HECW1: variants seen among roughly 807,000 people sequenced by gnomAD.
HECW1 encodes the protein E3 ubiquitin-protein ligase HECW1.
A neutral mutation model predicts 182.3 loss-of-function variants in HECW1; 61 were observed. The ratio of observed to expected loss-of-function variants is 0.33; its 90% CI spans 0.27 to 0.41. The LOEUF (loss-of-function observed/expected upper bound fraction) is 0.41. HECW1 is among the 10% of genes least tolerant of loss of function. HECW1 has a pLI of 1.00. For synonymous variants in HECW1, 859 were observed against 832.6 expected, an observed-to-expected ratio of 1.03 and a Z score of -0.55; for missense variants, 1,739 against 2,108.9, an observed-to-expected ratio of 0.82 and a Z score of 3.44.
chr7:43,501,280 T>C lies in HECW1; in HGVS notation c.3589T>C (p.Ser1197Pro), dbSNP rs1353537957. Reference protein sequence around the residue: ...QAAFHPGYSFSPRCSPCSSPQ... With the variant: ...QAAFHPGYSFPPRCSPCSSPQ... ...TGCCTTCCACCCTGGGTATAGCTTC[T>C]CTCCCCGATGTTCACCCTGTTCTTC... Residue 1197 changes from serine (S) to proline (P), a missense_variant, in exon 21 of 30, where the codon TCT (serine) becomes CCT (proline). Physicochemically the swap from Ser to Pro is moderately conservative, Grantham distance 74 (BLOSUM62 -1). Transcript: ENST00000395891. The C allele has an allele frequency of 1.2e-6, 2 of 1,609,716 alleles. No individual in the cohort carries two copies. Among genetic ancestry groups the C allele is most frequent in the Non-Finnish European group, 1.7e-6 (2 of 1,177,568 alleles).
intron 3 of HECW1, among the ~76,000 whole-genome samples, chr7:43,287,817 A>T (rs1339792149): frequency 6.6e-6 from 1 of 152,178 alleles, no homozygotes; most frequent in Non-Finnish European, 1.5e-5. Flanking sequence ...CATTGTCTGG[A>T]TTTAGACAGC....
intron 19 of HECW1, among the ~76,000 whole-genome samples, chr7:43,498,870 C>T (rs75005191): frequency 0.017 from 2,545 of 152,148 alleles, 52 homozygotes; most frequent in African/African-American, 0.048. Flanking sequence ...GTCAAATTGA[C>T]TATATTTTTT....
intron 6 of HECW1, among the ~76,000 whole-genome samples, chr7:43,372,158 A>G (rs2074132891): frequency 6.6e-6 from 1 of 152,164 alleles, no homozygotes; most frequent in Non-Finnish European, 1.5e-5. Context: ...CAAGGCTCAG[A>G]GCAGTGCCTT....
chr7:43,205,617 G>A (rs1795398472), intron 2 of HECW1, among the ~76,000 whole-genome samples: 1 of 152,164 alleles, frequency 6.6e-6, no homozygotes, highest in African/African-American at 2.4e-5. Flanking sequence ...GGCTCATTGT[G>A]TCTGCAGTAA....
chr7:43,203,872 G>C (rs905304708), intron 2 of HECW1, among the ~76,000 whole-genome samples: 1 of 152,076 alleles, frequency 6.6e-6, no homozygotes, highest in African/African-American at 2.4e-5. Context: ...TTCTTAAATT[G>C]TATGTATTTA....
At chr7:43,333,365 AC>A (rs1811732384) in intron 5 of HECW1, among the ~76,000 whole-genome samples, 1 of 152,208 alleles carries the variant, frequency 6.6e-6, no homozygotes, top group African/African-American at 2.4e-5. Flanking sequence ...AAAAGGCAAC[AC>A]AGGATTTCAA....
chr7:43,389,041 A>G (rs2074915034), intron 6 of HECW1, among the ~76,000 whole-genome samples: 1 of 152,208 alleles, frequency 6.6e-6, no homozygotes, highest in Admixed American at 6.5e-5. Flanking sequence ...CATTGTTTCT[A>G]GTGGAAGATG....
rs183045281 is a variant in HECW1 at position 43,519,534 on chromosome 7, G to A, written c.4019+10413G>A. ...GCTGGGATTACAGGCGTGAGCCACC[G>A]CGCCTGGCCTAGTGCAGACTTTTAA... On this transcript the variant is annotated intron_variant, in intron 24 of 29. Transcript: ENST00000395891. Among the ~76,000 whole-genome samples, 572 of 152,288 alleles carry A rather than the reference G, an allele frequency of 3.8e-3. 3 individuals carry two copies. The highest frequency in any genetic ancestry group is 0.017 in the Middle Eastern group (5 of 294).
At chr7:43,516,136 A>T (rs2080136411) in intron 24 of HECW1, among the ~76,000 whole-genome samples, 1 of 152,188 alleles carries the variant, frequency 6.6e-6, no homozygotes, top group Non-Finnish European at 1.5e-5. Context: ...AAGTATTAAT[A>T]TGTTTATAAT....
At chr7:43,361,009 G>A in intron 6 of HECW1, 29 bp downstream of exon 6, 1 of 1,487,506 alleles carries the variant, frequency 6.7e-7, no homozygotes, top group East Asian at 2.3e-5. Context: ...TCTTTGGTTA[G>A]ACCTAACTCT....
chr7:43,356,983 G>GA lies in HECW1; in HGVS notation c.461-3896dup, dbSNP rs1315603550. On this transcript the variant is annotated intron_variant, in intron 5 of 29. Coordinates refer to ENST00000395891, the MANE Select transcript of HECW1 (RefSeq NM_015052.5). The stretch of plus-strand genomic sequence containing the variant: ...ACAGACAAATGGCCAACAGATGCAT[G>GA]AAAAAAATGCTCAACATCAGTAATC... Among the ~76,000 whole-genome samples the GA allele has an allele frequency of 7.9e-5, 12 of 152,076 alleles. No individual in the cohort carries two copies. In the East Asian group the frequency reaches 1.9e-3, roughly 25 times the overall value.
At chr7:43,189,997 G>C (rs1256195234) in intron 2 of HECW1, among the ~76,000 whole-genome samples, 1 of 152,164 alleles carries the variant, frequency 6.6e-6, no homozygotes, top group Non-Finnish European at 1.5e-5. Flanking sequence ...TTGGGAGAGA[G>C]AAAAACTTAC....
At position 43,416,563 on chromosome 7, in the gene HECW1, C is replaced by T. The variant is rs927924529; in HGVS notation, c.801+8832C>T. On this transcript the variant is annotated intron_variant, in intron 8 of 29. Coordinates refer to ENST00000395891, the MANE Select transcript of HECW1 (RefSeq NM_015052.5). The stretch of plus-strand genomic sequence containing the variant: ...GAGCTGTGGTGGGCTCCACCCAGTT[C>T]GAGCTTCCAGGCTGCTTTGTTTACC... Among the ~76,000 whole-genome samples the T allele has an allele frequency of 3.8e-3, 577 of 152,054 alleles. 1 individual carries two copies. Among genetic ancestry groups the T allele is most frequent in the Non-Finnish European group, 6.2e-3 (422 of 67,972 alleles).
rs746368056 is a variant in HECW1 at position 43,541,917 on chromosome 7, G to A, written c.4167G>A (p.Gln1389=). ...AATATTTGGATGAGGAATTCCACCA[G>A]AGTTTGCAGTGGATGAAGGACAACA... ...DLEYLDEEFH[Q]SLQWMKDNNI... The change falls in exon 26 of 30, where the codon CAG becomes CAA. Residue 1389 remains glutamine, a synonymous_variant. Transcript: ENST00000395891. The A allele has an allele frequency of 6.4e-7, 1 of 1,559,520 alleles. No individual in the cohort carries two copies. Among genetic ancestry groups the A allele is most frequent in the Admixed American group, 1.9e-5 (1 of 53,102 alleles).
intron 3 of HECW1, among the ~76,000 whole-genome samples, chr7:43,268,240 A>G (rs1416315577): frequency 1.3e-5 from 2 of 152,226 alleles, no homozygotes; most frequent in African/African-American, 4.8e-5. Context: ...AATTAGTTAC[A>G]TAAGCCAATG....
chr7:43,330,601 A>T (rs78513574), intron 5 of HECW1, among the ~76,000 whole-genome samples: 2 of 152,248 alleles, frequency 1.3e-5, no homozygotes, highest in Non-Finnish European at 2.9e-5. Flanking sequence ...GATGTCATCA[A>T]TATGACCTGC....
intron 3 of HECW1, among the ~76,000 whole-genome samples, chr7:43,251,365 G>A (rs933206334): frequency 5.3e-5 from 8 of 151,960 alleles, no homozygotes; most frequent in Admixed American, 3.3e-4. Flanking sequence ...ACTGGAGTGC[G>A]ATAGCGCGGC....
intron 6 of HECW1, among the ~76,000 whole-genome samples, chr7:43,373,363 G>A (rs890890490): frequency 6.6e-6 from 1 of 151,790 alleles, no homozygotes; most frequent in Non-Finnish European, 1.5e-5. Flanking sequence ...TTTCTCTGTT[G>A]GCCAGGCTCG....
At chr7:43,364,620 C>T (rs1295579001) in intron 6 of HECW1, among the ~76,000 whole-genome samples, 2 of 152,240 alleles carry the variant, frequency 1.3e-5, no homozygotes, top group Non-Finnish European at 2.9e-5. Flanking sequence ...GCCTTGAAGA[C>T]AGACAGGCAA....
Sources: gnomAD v4.1 joint callset for allele counts (sites outside exome capture counted in the v4.1 genomes callset) on GRCh38, gnomAD v4.1.1 for gene constraint, MANE v1.5 for transcripts, NCBI Gene and HGNC (gene_info 2026-07-23, HGNC 2026-07-21) for gene names.